Variants in CBFB observed in about 807,000 individuals in gnomAD.
CBFB encodes CBF-beta.
A neutral mutation model predicts 30.4 loss-of-function variants in CBFB; 9 were observed. The observed-to-expected ratio is 0.30, with a 90% CI of 0.18 to 0.52. The LOEUF is 0.52. CBFB is among the 20% of genes least tolerant of loss of function. CBFB has a pLI of 0.97. For synonymous variants in CBFB, 94 were observed against 84.0 expected (o/e 1.12, Z -0.65); for missense variants, 170 against 244.0 (o/e 0.70, Z 2.02).
At chr16:67,055,435 G>A (rs1049366052) in intron 3 of CBFB, among the ~76,000 whole-genome samples, 5 of 133,290 alleles carry the variant, frequency 3.8e-5, no homozygotes, top group Non-Finnish European at 7.6e-5. Flanking sequence ...GGCGCATCTC[G>A]GCTCACTGCA....
At chr16:67,055,662 C>A (rs1256520828) in intron 3 of CBFB, among the ~76,000 whole-genome samples, 2 of 152,078 alleles carry the variant, frequency 1.3e-5, no homozygotes, top group African/African-American at 4.8e-5. Flanking sequence ...GGCCTCCAGA[C>A]ACTTTCTTTA....
rs1962141225 is a variant in CBFB, at chr16:67,098,988, G to T, written c.*210G>T. ...TTCTAATTTTTTAAGCATGTAGCCA[G>T]TAATAATTTGAAGTTTTTTTTCTAT... is the stretch of plus-strand genomic sequence containing the variant. On this transcript the variant is annotated 3_prime_UTR_variant, in exon 6 of 6. Coordinates refer to ENST00000412916, the MANE Select transcript of CBFB (RefSeq NM_022845.3). The T allele has an allele frequency of 9.5e-6, 4 of 420,860 alleles. No homozygotes were observed. In the South Asian group the frequency reaches 2.9e-4, roughly 31 times the overall value. The allele number at this position is 420,860 out of a possible 1,614,324, so 26.1% of individuals were successfully genotyped here. A position where few individuals can be genotyped will look rare whatever the true frequency, so the allele number is the denominator to read the frequency against.
At chr16:67,048,196 C>T (rs577576453) in intron 3 of CBFB, among the ~76,000 whole-genome samples, 29 of 152,200 alleles carry the variant, frequency 1.9e-4, no homozygotes, top group Middle Eastern at 3.4e-3. Context: ...GAGCAGAGAT[C>T]GCACCACGGC....
intron 3 of CBFB, among the ~76,000 whole-genome samples, chr16:67,058,221 A>G (rs1359172871): frequency 1.3e-5 from 2 of 152,056 alleles, no homozygotes; most frequent in Non-Finnish European, 2.9e-5. Context: ...GCTCACTGCA[A>G]CTTCTGCCTC....
At chr16:67,041,515 T>C (rs904477801) in intron 3 of CBFB, among the ~76,000 whole-genome samples, 1 of 152,052 alleles carries the variant, frequency 6.6e-6, no homozygotes, top group Admixed American at 6.6e-5. Context: ...GGCAGGAGAA[T>C]TGCTTGAACC....
At chr16:67,061,669 TAAATC>T (rs1020222641) in intron 3 of CBFB, among the ~76,000 whole-genome samples, 19 of 152,226 alleles carry the variant, frequency 1.2e-4, no homozygotes, top group African/African-American at 4.6e-4. Flanking sequence ...AACATCTAAA[TAAATC>T]AGTAGGATCA....
intron 3 of CBFB, 106 bp downstream of exon 3, chr16:67,036,861 A>G (rs1181202642): frequency 9.7e-6 from 7 of 718,920 alleles, no homozygotes; most frequent in Admixed American, 2.1e-5. Context: ...ATACCAGCAT[A>G]TGCTCAGATT....
At chr16:67,061,922 C>A (rs1452108861) in intron 3 of CBFB, among the ~76,000 whole-genome samples, 3 of 151,792 alleles carry the variant, frequency 2.0e-5, no homozygotes. Flanking sequence ...CTCTCAGATA[C>A]TTGGGAGGCT....
intron 4 of CBFB, among the ~76,000 whole-genome samples, chr16:67,080,966 A>G (rs1961536132): frequency 6.6e-6 from 1 of 152,156 alleles, no homozygotes. Flanking sequence ...TTCTTTTAAA[A>G]GTACCTCTGA....
At chr16:67,089,464 AAAAT>A (rs1417646132) in intron 5 of CBFB, among the ~76,000 whole-genome samples, 6 of 152,198 alleles carry the variant, frequency 3.9e-5, no homozygotes, top group Non-Finnish European at 7.3e-5. Flanking sequence ...TATTTAGAAA[AAAAT>A]AAAATTTGCT....
intron 3 of CBFB, among the ~76,000 whole-genome samples, chr16:67,045,517 A>G (rs79323290): frequency 3.6e-5 from 5 of 137,214 alleles, no homozygotes; most frequent in South Asian, 5.0e-4. Context: ...ACTCTGTCTG[A>G]AAAAAAAAAA....
At chr16:67,098,529 T>C (rs909067790) in intron 5 of CBFB, among the ~76,000 whole-genome samples, 181 bp from the exon 6 acceptor site, 8 of 152,216 alleles carry the variant, frequency 5.3e-5, no homozygotes, top group Non-Finnish European at 1.2e-4. Flanking sequence ...AAGGAAACTT[T>C]AGTAAAATAT....
At chr16:67,066,878 A>G in intron 4 of CBFB, 80 bp downstream of exon 4, 4 of 745,786 alleles carry the variant, frequency 5.4e-6, no homozygotes, top group Non-Finnish European at 9.5e-6. Context: ...ATTTTACCCA[A>G]TTTTTAAGAG....
At chr16:67,060,484 T>G (rs1367116675) in intron 3 of CBFB, among the ~76,000 whole-genome samples, 1 of 152,202 alleles carries the variant, frequency 6.6e-6, no homozygotes, top group Non-Finnish European at 1.5e-5. Context: ...TGGCAACTAC[T>G]TATCTCCTTC....
At chr16:67,097,959 A>C (rs1475430543) in intron 5 of CBFB, among the ~76,000 whole-genome samples, 2 of 152,218 alleles carry the variant, frequency 1.3e-5, no homozygotes, top group Non-Finnish European at 2.9e-5. Flanking sequence ...TATTTAATTC[A>C]TGGAAAGTAC....
At chr16:67,061,348 A>G (rs935967949) in intron 3 of CBFB, among the ~76,000 whole-genome samples, 10 of 152,232 alleles carry the variant, frequency 6.6e-5, no homozygotes, top group Non-Finnish European at 1.0e-4. Flanking sequence ...TCAATTTTGT[A>G]TAAAATATTT....
chr16:67,045,235 G>A (rs746390868), intron 3 of CBFB, among the ~76,000 whole-genome samples: 3 of 152,034 alleles, frequency 2.0e-5, no homozygotes, highest in Non-Finnish European at 2.9e-5. Flanking sequence ...AAATGTTTTG[G>A]CTAGGTGGGG....
intron 3 of CBFB, among the ~76,000 whole-genome samples, chr16:67,051,942 C>G (rs1960558998): frequency 6.7e-6 from 1 of 150,272 alleles, no homozygotes; most frequent in Admixed American, 6.6e-5. Flanking sequence ...CACACACACA[C>G]ACGCATACAT....
intron 3 of CBFB, among the ~76,000 whole-genome samples, chr16:67,040,890 T>G (rs1389578417): frequency 2.6e-5 from 4 of 152,022 alleles, no homozygotes; most frequent in African/African-American, 4.8e-5. Context: ...GGAGGAGAGA[T>G]GTTCCGGACA....
Sources: gnomAD v4.1 joint callset for allele counts (sites outside exome capture counted in the v4.1 genomes callset) on GRCh38, gnomAD v4.1.1 for gene constraint, MANE v1.5 for transcripts, NCBI Gene and HGNC (gene_info 2026-07-23, HGNC 2026-07-21) for gene names.